EDEM2: variants seen among roughly 807,000 people sequenced by gnomAD.
EDEM2 encodes ER degradation enhancing alpha-mannosidase like protein 2.
Under a neutral mutation model 64.8 loss-of-function variants are expected in EDEM2, and 39 were observed. The observed-to-expected ratio is 0.60, with a 90% CI of 0.47 to 0.79. The LOEUF is 0.79. Among genes scored for constraint, EDEM2 ranks in the 30% least tolerant of loss-of-function variants. The pLI, the probability that EDEM2 is intolerant of heterozygous loss-of-function variation, is 0.00. For missense variants in EDEM2, 609 were observed against 731.3 expected, an observed-to-expected ratio of 0.83 and a Z score of 1.93; for synonymous variants, 296 against 291.5, an observed-to-expected ratio of 1.02 and a Z score of -0.16.
At chr20:35,123,033 G>C (rs1198689775) in intron 9 of EDEM2, among the ~76,000 whole-genome samples, 1 of 152,134 alleles carries the variant, frequency 6.6e-6, no homozygotes, top group African/African-American at 2.4e-5. Context: ...TCCCTGAAGT[G>C]AATCAAATGA....
intron 2 of EDEM2, among the ~76,000 whole-genome samples, chr20:35,145,378 C>T (rs1241177850): frequency 6.6e-6 from 1 of 152,160 alleles, no homozygotes; most frequent in East Asian, 1.9e-4. Flanking sequence ...GTGTTCATGG[C>T]AGTATTGCTT....
rs556272908 is a variant in EDEM2 at position 35,140,183 on chromosome 20, A to G, written c.365-2178T>C. Among the ~76,000 whole-genome samples, 6 of 152,338 alleles carry G rather than the reference A, an allele frequency of 3.9e-5. No homozygotes were observed. In the South Asian group the frequency reaches 6.2e-4, roughly 16 times the overall value. Reference sequence around the variant, plus strand: ...GGTCTGAGACACGAAAAGAAAAAATAGTCAAAAAAGTGGTAAATAGGCCAG... The same window carrying G: ...GGTCTGAGACACGAAAAGAAAAAATGGTCAAAAAAGTGGTAAATAGGCCAG... On this transcript the variant is annotated intron_variant, in intron 4 of 10. Transcript: ENST00000374492.
chr20:35,136,190 A>T (rs912576416), intron 5 of EDEM2, among the ~76,000 whole-genome samples: 8 of 152,244 alleles, frequency 5.3e-5, no homozygotes, highest in African/African-American at 1.9e-4. Flanking sequence ...GCAATATTTC[A>T]GAAAAAGTCA....
At chr20:35,144,641 C>T (rs573188663) in intron 3 of EDEM2, among the ~76,000 whole-genome samples, 14 of 152,246 alleles carry the variant, frequency 9.2e-5, no homozygotes, top group Admixed American at 6.5e-4. Flanking sequence ...GCCTGATACC[C>T]TTTTATTATC....
chr20:35,129,984 AG>A (rs2085486484), intron 7 of EDEM2, among the ~76,000 whole-genome samples: 1 of 152,204 alleles, frequency 6.6e-6, no homozygotes, highest in Non-Finnish European at 1.5e-5. Flanking sequence ...TGCAATTCTC[AG>A]ACTATATCCC....
intron 8 of EDEM2, 79 bp downstream of exon 8, chr20:35,126,172 A>C (rs2295886): frequency 0.71 from 1,092,950 of 1,548,294 alleles, 387,400 homozygotes; most frequent in Admixed American, 0.84. Context: ...AACAAAGTAC[A>C]TTATTTGACT....
chr20:35,124,325 G>A lies in EDEM2; in HGVS notation c.970-291C>T, dbSNP rs528656696. On this transcript the variant is annotated intron_variant, in intron 8 of 10. Transcript: ENST00000374492. ...AGCTAACAGTTTTGGAATTCGGCCA[G>A]CCAGTTAAAAATTCTAAGAATAGAG... Among the ~76,000 whole-genome samples, 6 of 152,312 alleles carry A rather than the reference G, an allele frequency of 3.9e-5. No homozygotes were observed. In the South Asian group the frequency reaches 1.2e-3, roughly 32 times the overall value.
At chr20:35,141,783 T>C (rs1364640654) in intron 4 of EDEM2, among the ~76,000 whole-genome samples, 1 of 151,368 alleles carries the variant, frequency 6.6e-6, no homozygotes, top group African/African-American at 2.5e-5. Context: ...CTGAATTTTT[T>C]AACCACTTGG....
intron 4 of EDEM2, among the ~76,000 whole-genome samples, chr20:35,138,397 C>T (rs1424684794): frequency 6.6e-6 from 1 of 151,908 alleles, no homozygotes; most frequent in Non-Finnish European, 1.5e-5. Flanking sequence ...AGTGACTTGC[C>T]CCAGGTCACC....
intron 5 of EDEM2, 49 bp downstream of exon 5, chr20:35,137,830 AG>A: frequency 6.3e-7 from 1 of 1,597,244 alleles, no homozygotes; most frequent in Non-Finnish European, 8.5e-7. Flanking sequence ...CAGCAAGGGA[AG>A]CAGGACCTAC....
At chr20:35,141,143 AAAG>A (rs1281354309) in intron 4 of EDEM2, among the ~76,000 whole-genome samples, 2 of 151,262 alleles carry the variant, frequency 1.3e-5, no homozygotes, top group Non-Finnish European at 3.0e-5. Flanking sequence ...AAAAAAAAAA[AAAG>A]AAGACGGCAC....
chr20:35,146,674 T>G, intron 2 of EDEM2, 151 bp downstream of exon 2: 1 of 789,032 alleles, frequency 1.3e-6, no homozygotes, highest in Non-Finnish European at 2.0e-6. Context: ...CTGGAGGTGA[T>G]AGTAAGAATT....
chr20:35,142,245 G>C (rs1028615982), intron 4 of EDEM2, 128 bp downstream of exon 4: 3 of 699,810 alleles, frequency 4.3e-6, no homozygotes, highest in Non-Finnish European at 7.3e-6. Context: ...GAAGAGCTCT[G>C]TCGGTCAGAG....
intron 7 of EDEM2, among the ~76,000 whole-genome samples, chr20:35,128,503 T>C (rs896912848): frequency 2.7e-5 from 4 of 148,666 alleles, no homozygotes; most frequent in African/African-American, 1.0e-4. Flanking sequence ...GAGGCGGAGG[T>C]TGCAGTGAGC....
chr20:35,135,511 C>T (rs1056257527), intron 5 of EDEM2, among the ~76,000 whole-genome samples: 4 of 152,258 alleles, frequency 2.6e-5, no homozygotes, highest in East Asian at 3.9e-4. Flanking sequence ...ATTAGGCAAG[C>T]GTGGTGGTGC....
At chr20:35,132,128 C>T (rs1281869589) in intron 6 of EDEM2, among the ~76,000 whole-genome samples, 1 of 152,182 alleles carries the variant, frequency 6.6e-6, no homozygotes, top group Non-Finnish European at 1.5e-5. Context: ...GATTTCTCAG[C>T]ACCCAGCATG....
In EDEM2 at chr20:35,146,917, C is replaced by A. The variant is rs2085741540; in HGVS notation, c.126G>T (p.Met42Ile). Residue 42 changes from methionine to isoleucine, a missense_variant, in exon 2 of 11, where the codon ATG (methionine) becomes ATT (isoleucine). Coordinates refer to ENST00000374492, the MANE Select transcript of EDEM2 (RefSeq NM_018217.3). ...PAHYRERVKA[M>I]FYHAYDSYLE... ...GGTAGCTGTCGTAGGCGTGGTAGAACATGGCCTTGACTCGCTCCCTGGGTG... is the reference window on the plus strand; with the variant it reads ...GGTAGCTGTCGTAGGCGTGGTAGAAAATGGCCTTGACTCGCTCCCTGGGTG... 6.2e-7 allele frequency: 1 copy of A among 1,613,854 alleles called. No homozygotes were observed. Among genetic ancestry groups the A allele is most frequent in the Non-Finnish European group, 8.5e-7 (1 of 1,179,966 alleles).
chr20:35,129,030 C>G (rs1002084718), intron 7 of EDEM2, among the ~76,000 whole-genome samples: 1 of 151,092 alleles, frequency 6.6e-6, no homozygotes, highest in Admixed American at 6.6e-5. Context: ...TTTGGGAGGC[C>G]AAGGTGGGTG....
chr20:35,142,736 G>T (rs867791717), intron 3 of EDEM2, among the ~76,000 whole-genome samples: 1 of 152,136 alleles, frequency 6.6e-6, no homozygotes, highest in African/African-American at 2.4e-5. Flanking sequence ...ACAATATAAA[G>T]AACGCAAACT....
Sources: gnomAD v4.1 joint callset for allele counts (sites outside exome capture counted in the v4.1 genomes callset) on GRCh38, gnomAD v4.1.1 for gene constraint, MANE v1.5 for transcripts, NCBI Gene and HGNC (gene_info 2026-07-23, HGNC 2026-07-21) for gene names.